Variants in ARHGAP22 observed in about 807,000 individuals in gnomAD.
ARHGAP22 encodes the protein Rho GTPase activating protein 22.
ARHGAP22 carries 48 observed loss-of-function variants against 59.1 expected under a neutral mutation model. The ratio of observed to expected loss-of-function variants is 0.81; its 90% CI spans 0.64 to 1.03. The LOEUF (loss-of-function observed/expected upper bound fraction) is 1.03. ARHGAP22 is among the 50% of genes least tolerant of loss of function. The pLI is 0.00. For missense variants in ARHGAP22, 1,015 were observed against 958.7 expected (o/e 1.06, Z -0.78); for synonymous variants, 445 against 416.4 (o/e 1.07, Z -0.84).
rs746999232 is a variant in ARHGAP22, at chr10:48,538,511, G to T, written c.322+16952C>A. On this transcript the variant is annotated intron_variant, in intron 3 of 9. Coordinates refer to ENST00000249601, the MANE Select transcript of ARHGAP22 (RefSeq NM_021226.4). The stretch of plus-strand genomic sequence containing the variant: ...TGTTCTTGGAACCCACGAAGGCAAC[G>T]GACTAGCAGAAGACTCTCCAGACCT... Among the ~76,000 whole-genome samples, 7 of 152,272 alleles carry T rather than the reference G, an allele frequency of 4.6e-5. No homozygotes were observed. The East Asian group carries it at 7.7e-4, about 17-fold the overall frequency.
chr10:48,647,504 TACC>T (rs1422168670), intron 1 of ARHGAP22, among the ~76,000 whole-genome samples: 3 of 152,140 alleles, frequency 2.0e-5, no homozygotes, highest in African/African-American at 7.2e-5. Flanking sequence ...CCCAATAAAA[TACC>T]ACTTTACACC....
intron 2 of ARHGAP22, among the ~76,000 whole-genome samples, chr10:48,569,510 A>C (rs1223602581): frequency 6.6e-6 from 1 of 152,248 alleles, no homozygotes; most frequent in Non-Finnish European, 1.5e-5. Context: ...TATGTTTCCC[A>C]TGCTGCTTCA....
intron 4 of ARHGAP22, among the ~76,000 whole-genome samples, chr10:48,479,392 G>C (rs1419579368): frequency 6.6e-6 from 1 of 152,118 alleles, no homozygotes; most frequent in Non-Finnish European, 1.5e-5. Flanking sequence ...CTCACCCCTG[G>C]AATAGAATCC....
intron 3 of ARHGAP22, among the ~76,000 whole-genome samples, chr10:48,540,674 G>C (rs373363707): frequency 6.6e-6 from 1 of 152,090 alleles, no homozygotes; most frequent in South Asian, 2.1e-4. Context: ...ATCAGCCCAT[G>C]GGTAGTCAGC....
chr10:48,509,218 G>C (rs2134502287), intron 3 of ARHGAP22, among the ~76,000 whole-genome samples: 1 of 152,334 alleles, frequency 6.6e-6, no homozygotes, highest in African/African-American at 2.4e-5. Context: ...CCTGCACTCA[G>C]CTGGCGAGCC....
In ARHGAP22 at chr10:48,534,990, C is replaced by T. The variant is rs1375706307; in HGVS notation, c.322+20473G>A. On this transcript the variant is annotated intron_variant, in intron 3 of 9. Transcript: ENST00000249601. ...CATGAGACCCTGTATATGAACTAGG[C>T]CCATCTGGTGTCTGGTCCACTTAGC... is the stretch of plus-strand genomic sequence containing the variant. Among the ~76,000 whole-genome samples, 3 of 152,198 alleles carry T rather than the reference C, an allele frequency of 2.0e-5. No individual in the cohort carries two copies. In the East Asian group the frequency reaches 5.8e-4, roughly 29 times the overall value.
chr10:48,445,560 C>A, downstream of ARHGAP22: 1 of 152,776 alleles, frequency 6.5e-6, no homozygotes, highest in Non-Finnish European at 1.5e-5. Context: ...GAAGCGGGGG[C>A]TGGAAGGGAG....
At chr10:48,654,381 C>T (rs1422525830), upstream of ARHGAP22, among the ~76,000 whole-genome samples, 4 of 152,230 alleles carry the variant, frequency 2.6e-5, no homozygotes, top group Admixed American at 1.3e-4. Flanking sequence ...AGCTGCCCCT[C>T]CCTACTCTCC....
At chr10:48,436,961 G>T in the ARHGAP22 span, 5 of 152,194 alleles carry the variant, frequency 3.3e-5, no homozygotes, top group African/African-American at 1.2e-4. Context: ...TGTATTTTCT[G>T]TAGCATAGAT....
intron 9 of ARHGAP22, among the ~76,000 whole-genome samples, chr10:48,446,834 G>GTGA (rs1224268024): frequency 2.6e-5 from 4 of 152,194 alleles, no homozygotes; most frequent in African/African-American, 9.7e-5. Context: ...CTCTGGGCCT[G>GTGA]TGATCCCGAA....
At chr10:48,523,020 A>G (rs550470090) in intron 3 of ARHGAP22, among the ~76,000 whole-genome samples, 9 of 152,344 alleles carry the variant, frequency 5.9e-5, no homozygotes, top group African/African-American at 1.9e-4. Context: ...CAGCCTGTAC[A>G]TTGATGGCAC....
intron 3 of ARHGAP22, among the ~76,000 whole-genome samples, chr10:48,495,659 C>A (rs779878709): frequency 6.6e-6 from 1 of 152,220 alleles, no homozygotes; most frequent in African/African-American, 2.4e-5. Flanking sequence ...TAGTCAGACT[C>A]TTGTGTAATT....
At chr10:48,441,115 C>A (rs966325656), downstream of ARHGAP22, among the ~76,000 whole-genome samples, 8 of 152,178 alleles carry the variant, frequency 5.3e-5, 1 homozygote, top group South Asian at 1.2e-3. Context: ...AGGAAGGGAA[C>A]AATTGGTTTG....
intron 3 of ARHGAP22, among the ~76,000 whole-genome samples, chr10:48,535,657 G>A (rs1033639417): frequency 3.9e-5 from 6 of 152,216 alleles, no homozygotes; most frequent in Non-Finnish European, 7.3e-5. Context: ...GGGGTGAGGT[G>A]CTGTAAGGGA....
chr10:48,547,381 T>G (rs1257280856), intron 3 of ARHGAP22, among the ~76,000 whole-genome samples: 1 of 152,238 alleles, frequency 6.6e-6, no homozygotes, highest in Non-Finnish European at 1.5e-5. Context: ...TCCTATTGCC[T>G]GCAGGATTCC....
At position 48,644,792 on chromosome 10, in the gene ARHGAP22, A is replaced by G. The variant is rs182491528; in HGVS notation, c.52+7442T>C. Among the ~76,000 whole-genome samples the G allele has an allele frequency of 5.3e-4, 80 of 152,350 alleles. 1 individual carries two copies. The highest frequency in any genetic ancestry group is 1.7e-3 in the African/African-American group (70 of 41,590). On this transcript the variant is annotated intron_variant, in intron 1 of 9. Coordinates refer to the ARHGAP22 transcript ENST00000435790. ...GCAAAATCACTATAGGGAAATCTAT[A>G]GCTTTAAATGCGTATATCAGAATAT... is the stretch of plus-strand genomic sequence containing the variant.
At chr10:48,446,708 T>G (rs1432469573) in intron 9 of ARHGAP22, 89 bp from the exon 10 acceptor site, 3 of 1,354,622 alleles carry the variant, frequency 2.2e-6, no homozygotes, top group Non-Finnish European at 3.0e-6. Context: ...CACTGTGGGT[T>G]GAGGGGTCAG....
At chr10:48,613,305 A>G (rs2060963585) in intron 1 of ARHGAP22, among the ~76,000 whole-genome samples, 1 of 152,230 alleles carries the variant, frequency 6.6e-6, no homozygotes. Context: ...ATGAGCATCT[A>G]GTTTCCAAAT....
chr10:48,568,990 A>T (rs1212055417), intron 2 of ARHGAP22, among the ~76,000 whole-genome samples: 1 of 152,188 alleles, frequency 6.6e-6, no homozygotes. Context: ...ACACTCTTGG[A>T]AGATTTTTTT....
Sources: gnomAD v4.1 joint callset for allele counts (sites outside exome capture counted in the v4.1 genomes callset) on GRCh38, gnomAD v4.1.1 for gene constraint, MANE v1.5 for transcripts, NCBI Gene and HGNC (gene_info 2026-07-23, HGNC 2026-07-21) for gene names.